The following EIF2A variants were observed in gnomAD, a reference collection of about 807,000 sequenced individuals.
EIF2A encodes 65 kDa eukaryotic translation initiation factor 2A.
Under a neutral mutation model 75.2 loss-of-function variants are expected in EIF2A, and 62 were observed. The ratio of observed to expected loss-of-function variants is 0.82; its 90% CI spans 0.67 to 1.02. EIF2A has a LOEUF of 1.02. Among genes scored for constraint, EIF2A ranks in the 50% least tolerant of loss-of-function variants. The pLI is 0.00. For synonymous variants in EIF2A, 207 were observed against 239.0 expected (o/e 0.87, Z 1.23); for missense variants, 611 against 677.7 (o/e 0.90, Z 1.09).
chr3:150,548,510 C>T (rs1009646977), intron 1 of EIF2A, among the ~76,000 whole-genome samples: 1 of 152,284 alleles, frequency 6.6e-6, no homozygotes, highest in African/African-American at 2.4e-5. Context: ...ACAATAGATA[C>T]TCTAAATCAG....
At chr3:150,583,041 A>T in intron 12 of EIF2A, 159 bp from the exon 13 acceptor site, 1 of 636,668 alleles carries the variant, frequency 1.6e-6, no homozygotes, top group Non-Finnish European at 2.6e-6. Context: ...TTTTGCATTT[A>T]ACTTTAAAAA....
At position 150,583,947 on chromosome 3, in the gene EIF2A, G is replaced by A; in HGVS notation, c.*36G>A. On this transcript the variant is annotated 3_prime_UTR_variant, in exon 14 of 14. Coordinates refer to ENST00000460851, the MANE Select transcript of EIF2A (RefSeq NM_032025.5). Reference sequence around the variant, plus strand: ...AAAGCAAGTTGATGACCAGAAATCAGTGCAAACACATCTTCTGTTAAACCC... The same window carrying A: ...AAAGCAAGTTGATGACCAGAAATCAATGCAAACACATCTTCTGTTAAACCC... 1 of 1,600,242 alleles carries A rather than the reference G, an allele frequency of 6.2e-7. No homozygotes were observed.
intron 1 of EIF2A, chr3:150,547,068 A>C (rs1723072280): frequency 3.5e-6 from 2 of 575,454 alleles, no homozygotes; most frequent in Non-Finnish European, 6.2e-6. Context: ...CTGCGGATTC[A>C]TCTTCTACAG....
At chr3:150,560,095 T>G (rs1723773256) in intron 3 of EIF2A, among the ~76,000 whole-genome samples, 1 of 152,212 alleles carries the variant, frequency 6.6e-6, no homozygotes, top group Non-Finnish European at 1.5e-5. Context: ...TAGAGTTTGT[T>G]GAATAAGTCT....
chr3:150,555,616 C>T (rs7430992), intron 2 of EIF2A, among the ~76,000 whole-genome samples: 20,214 of 149,428 alleles, frequency 0.14, 1,418 homozygotes, highest in Non-Finnish European at 0.16. Context: ...TGGCTGGGCG[C>T]GGTGGCTCAT....
At chr3:150,567,507 T>G in intron 6 of EIF2A, 186 bp from the exon 7 acceptor site, 1 of 506,314 alleles carries the variant, frequency 2.0e-6, no homozygotes, top group South Asian at 3.2e-5. Flanking sequence ...GAGTAGAAAT[T>G]GAAGCCTACA....
At chr3:150,564,679 C>T (rs1207718885) in intron 6 of EIF2A, 6 of 214,840 alleles carry the variant, frequency 2.8e-5, no homozygotes, top group Non-Finnish European at 5.6e-5. Context: ...GATATTTTAT[C>T]GTGTAGAATT....
intron 3 of EIF2A, 65 bp downstream of exon 3, chr3:150,558,527 A>C: frequency 7.7e-7 from 1 of 1,305,944 alleles, no homozygotes; most frequent in Non-Finnish European, 1.0e-6. Flanking sequence ...GCATTATTTG[A>C]ATAACAGATA....
chr3:150,580,064 A>G (rs375767280), intron 11 of EIF2A, among the ~76,000 whole-genome samples: 6 of 152,136 alleles, frequency 3.9e-5, no homozygotes, highest in African/African-American at 1.2e-4. Flanking sequence ...AGCAAGTATT[A>G]TGCTAGAGGC....
At position 150,563,533 on chromosome 3, in the gene EIF2A, C is replaced by G; in HGVS notation, c.311C>G (p.Ala104Gly). ...QPYTTSKDGT[A>G]GIPNLQLYDV... Reference sequence around the variant, plus strand: ...ATTGCAGCTTCTAAAGATGGCACAGCTGGGATACCCAACCTACAACTTTAT... The same window carrying G: ...ATTGCAGCTTCTAAAGATGGCACAGGTGGGATACCCAACCTACAACTTTAT... The change falls in exon 5 of 14, where the codon GCT becomes GGT. Residue 104 changes from alanine to glycine, a missense_variant. Coordinates refer to ENST00000460851, the MANE Select transcript of EIF2A (RefSeq NM_032025.5). 1.9e-6 allele frequency: 3 copies of G among 1,547,348 alleles called. No individual in the cohort carries two copies. The highest frequency in any genetic ancestry group is 2.6e-6 in the Non-Finnish European group (3 of 1,146,068).
intron 6 of EIF2A, 41 bp from the exon 7 acceptor site, chr3:150,567,652 G>C: frequency 3.8e-6 from 5 of 1,331,620 alleles, no homozygotes; most frequent in Non-Finnish European, 5.2e-6. Context: ...GTTCCTTTTA[G>C]GTTCTCTCAT....
intron 9 of EIF2A, among the ~76,000 whole-genome samples, chr3:150,570,575 A>G (rs1212007671): frequency 1.3e-5 from 2 of 151,934 alleles, no homozygotes; most frequent in African/African-American, 4.8e-5. Context: ...TTAAAAAAAA[A>G]AAGAAGAAGA....
chr3:150,560,604 T>C (rs1723796688), intron 3 of EIF2A, among the ~76,000 whole-genome samples: 1 of 152,146 alleles, frequency 6.6e-6, no homozygotes, highest in African/African-American at 2.4e-5. Context: ...TTAAATACTA[T>C]GTGGTAATTT....
chr3:150,550,718 G>C (rs1723275499), intron 1 of EIF2A, among the ~76,000 whole-genome samples: 1 of 152,146 alleles, frequency 6.6e-6, no homozygotes, highest in Admixed American at 6.5e-5. Context: ...ATGGCTTGGT[G>C]GTGGGTGACA....
rs1373133061 is a variant in EIF2A at position 150,584,086 on chromosome 3, T to C, written c.*175T>C. On this transcript the variant is annotated 3_prime_UTR_variant, in exon 14 of 14. Coordinates refer to ENST00000460851, the MANE Select transcript of EIF2A (RefSeq NM_032025.5). ...TATTTAATAATGTCTATTAAATTGA[T>C]ATTTATATCTTGCATCCTATATCAT... The C allele has an allele frequency of 1.2e-5, 7 of 575,122 alleles. No individual in the cohort carries two copies. Among genetic ancestry groups the C allele is most frequent in the Non-Finnish European group, 2.1e-5 (7 of 338,642 alleles). 35.6% of individuals were successfully genotyped at this position (575,122 alleles called of 1,614,324 possible).
chr3:150,582,007 C>CTT (rs917755613), intron 12 of EIF2A, among the ~76,000 whole-genome samples: 1 of 147,382 alleles, frequency 6.8e-6, no homozygotes, highest in Non-Finnish European at 1.5e-5. Context: ...ATACTGAACA[C>CTT]TTTTTTTTTT....
At chr3:150,583,753 A>G in intron 13 of EIF2A, 93 bp from the exon 14 acceptor site, 1 of 1,193,684 alleles carries the variant, frequency 8.4e-7, no homozygotes, top group Non-Finnish European at 1.2e-6. Flanking sequence ...AGTGAACATA[A>G]TAAATTGTCA....
intron 6 of EIF2A, chr3:150,566,317 TG>T (rs1339894880): frequency 6.6e-6 from 1 of 152,202 alleles, no homozygotes. Flanking sequence ...GTCGCCTTTT[TG>T]GTGTGCTACT....
At chr3:150,563,442 TTAATAAA>T in intron 4 of EIF2A, 66 bp from the exon 5 acceptor site, 1 of 1,259,050 alleles carries the variant, frequency 7.9e-7, no homozygotes, top group Non-Finnish European at 1.1e-6. Context: ...CATATCAAAC[TTAATAAA>T]TAAGAAAAAT....
Sources: allele counts gnomAD v4.1 joint callset (sites outside exome capture counted in the v4.1 genomes callset), GRCh38; gene constraint gnomAD v4.1.1; transcripts MANE v1.5; gene names NCBI Gene and HGNC (gene_info 2026-07-23, HGNC 2026-07-21).